The following ZMIZ2 variants were observed in gnomAD, a reference collection of about 807,000 sequenced individuals.
ZMIZ2 encodes the protein zinc finger MIZ domain-containing protein 2.
Under a neutral mutation model 93.9 loss-of-function variants are expected in ZMIZ2, and 26 were observed. That is an observed-to-expected ratio of 0.28 (90% CI 0.20 to 0.38). The LOEUF is 0.38. ZMIZ2 is among the 10% of genes least tolerant of loss of function. The pLI, the probability that ZMIZ2 is intolerant of heterozygous loss-of-function variation, is 1.00. For synonymous variants in ZMIZ2, 485 were observed against 516.4 expected (o/e 0.94, Z 0.82); for missense variants, 1,023 against 1,235.0 (o/e 0.83, Z 2.57).
intron 1 of ZMIZ2, among the ~76,000 whole-genome samples, chr7:44,754,320 C>T (rs190432902): frequency 1.3e-5 from 2 of 152,190 alleles, no homozygotes; most frequent in Non-Finnish European, 2.9e-5. Context: ...GTTTTCTTCA[C>T]CCCTGCTTCC....
chr7:44,764,618 C>T, intron 14 of ZMIZ2, 132 bp downstream of exon 14: 1 of 1,026,014 alleles, frequency 9.7e-7, no homozygotes, highest in South Asian at 1.5e-5. Context: ...TGGGGTTGTG[C>T]AGCTCAGCGC....
At chr7:44,758,678 C>G (rs540268636) in intron 6 of ZMIZ2, among the ~76,000 whole-genome samples, 1 of 150,838 alleles carries the variant, frequency 6.6e-6, no homozygotes, top group East Asian at 2.0e-4. Flanking sequence ...TTTGGGAGGC[C>G]AAGGCGGGTG....
In ZMIZ2 at chr7:44,763,284, C is replaced by T. The variant is rs752013473; in HGVS notation, c.1731C>T (p.Ile577=). The T allele has an allele frequency of 6.2e-7, 1 of 1,614,072 alleles. No homozygotes were observed. The highest frequency in any genetic ancestry group is 1.1e-5 in the South Asian group (1 of 91,074). The change falls in exon 13 of 19, where the codon ATC becomes ATT. Residue 577 remains isoleucine, a synonymous_variant. Transcript: ENST00000309315. The surrounding 1 kb of genome is among the most constrained non-coding windows in gnomAD (Gnocchi z 5.6). ...KIKRNFSSGT[I]PGTPGPNGED... is the part of the protein sequence containing the mutation. ...AGCGGAACTTCAGCAGCGGCACCAT[C>T]CCTGGCACCCCTGGGCCCAACGGAG...
In ZMIZ2 at chr7:44,762,872, G is replaced by A. The variant is rs1791348440; in HGVS notation, c.1597-9G>A. On this transcript the variant is annotated splice_polypyrimidine_tract_variant and intron_variant, in intron 11 of 18. Coordinates refer to ENST00000309315, the MANE Select transcript of ZMIZ2 (RefSeq NM_031449.4). ...GTCCCCCTGATGACATCCTCCCGTT[G>A]TATTGCAGTCCCACCTCTTCGTGCT... 1.3e-6 allele frequency: 2 copies of A among 1,599,484 alleles called. No individual in the cohort carries two copies. The highest frequency in any genetic ancestry group is 1.7e-4 in the Middle Eastern group (1 of 5,988).
At position 44,757,438 on chromosome 7, in the gene ZMIZ2, C is replaced by G. The variant is rs769212250; in HGVS notation, c.429C>G (p.Asp143Glu). Residue 143 changes from aspartate (D) to glutamate (E), a missense_variant, in exon 5 of 19, where the codon GAC (aspartate) becomes GAG (glutamate). Around this residue, in one of 3 missense-constraint regions of ZMIZ2, gnomAD observed 656 missense variants for 777.1 expected, o/e 0.84. Coordinates refer to ENST00000309315, the MANE Select transcript of ZMIZ2 (RefSeq NM_031449.4). ...CACATGCTGCAAGACCCTCCACTGA[C>G]TTCACGCAAGCGGCAGCTGCTGCAG... ...LPSHAARPST[D>E]FTQAAAAAAV... is the part of the protein sequence containing the mutation. 1 of 1,606,574 alleles carries G rather than the reference C, an allele frequency of 6.2e-7. No homozygotes were observed. Among genetic ancestry groups the G allele is most frequent in the Non-Finnish European group, 8.5e-7 (1 of 1,179,924 alleles).
intron 14 of ZMIZ2, 131 bp from the exon 15 acceptor site, chr7:44,764,810 C>T: frequency 2.2e-6 from 2 of 919,758 alleles, no homozygotes; most frequent in Non-Finnish European, 1.7e-6. Flanking sequence ...CACAGAGTTA[C>T]CTTGTTCAGT....
In ZMIZ2 at chr7:44,764,499, T is replaced by G; in HGVS notation, c.1928+13T>G. On this transcript the variant is annotated intron_variant, in intron 14 of 18. Transcript: ENST00000309315. ...GTCCTGTGTGCAAGTGAGTCTCAGA[T>G]GCAGCGTGTGATGGAGGAGGGGCTG... 1.2e-6 allele frequency: 2 copies of G among 1,613,946 alleles called. No homozygotes were observed. The highest frequency in any genetic ancestry group is 2.2e-5 in the South Asian group (2 of 91,050).
At position 44,761,850 on chromosome 7, in the gene ZMIZ2, A is replaced by G; in HGVS notation, c.1541A>G (p.His514Arg). 1 of 1,614,062 alleles carries G rather than the reference A, an allele frequency of 6.2e-7. No homozygotes were observed. The highest frequency in any genetic ancestry group is 8.5e-7 in the Non-Finnish European group (1 of 1,180,034). Residue 514 changes from histidine (H) to arginine (R), a missense_variant, in exon 11 of 19, where the codon CAT becomes CGT. By Grantham distance (29) the His-to-Arg change is conservative. Transcript: ENST00000309315. This position sits in a 1 kb window ranked among gnomAD's most constrained non-coding sequence, Gnocchi z 5.8. The stretch of plus-strand genomic sequence containing the variant: ...TCGCACAAGCCACTCTACCTGAAGC[A>G]TGTGTGCCAGCCAGGCCGCAACACC... ...KTSHKPLYLKHVCQPGRNTIQ... is the reference protein window; with the variant it reads ...KTSHKPLYLKRVCQPGRNTIQ...
At chr7:44,759,101 A>C (rs918041513) in intron 6 of ZMIZ2, among the ~76,000 whole-genome samples, 180 bp from the exon 7 acceptor site, 7 of 150,330 alleles carry the variant, frequency 4.7e-5, no homozygotes, top group African/African-American at 1.7e-4. Flanking sequence ...AAAAAAAAAA[A>C]AAAAAACAGG....
Position 44,761,237 on chromosome 7 carries a change from C to G in ZMIZ2, c.1241-212C>G, listed in dbSNP as rs963729163. Among the ~76,000 whole-genome samples, 1 of 152,234 alleles carries G rather than the reference C, an allele frequency of 6.6e-6. No homozygotes were observed. Among genetic ancestry groups the G allele is most frequent in the South Asian group, 2.1e-4 (1 of 4,836 alleles). On this transcript the variant is annotated intron_variant, in intron 9 of 18. Coordinates refer to ENST00000309315, the MANE Select transcript of ZMIZ2 (RefSeq NM_031449.4). This position sits in a 1 kb window ranked among gnomAD's most constrained non-coding sequence, Gnocchi z 5.8. ...TGAGGCAGGAGGCAAGACAGAACAT[C>G]ACGACCGAATGCCCAGGCCTCAGGA...
In ZMIZ2 at chr7:44,766,148, G is replaced by C; in HGVS notation, c.2243-16G>C. 1.2e-6 allele frequency: 2 copies of C among 1,605,860 alleles called. No homozygotes were observed. Among genetic ancestry groups the C allele is most frequent in the Non-Finnish European group, 1.7e-6 (2 of 1,177,218 alleles). On this transcript the variant is annotated splice_polypyrimidine_tract_variant and intron_variant, in intron 16 of 18. Transcript: ENST00000309315. The surrounding 1 kb of genome is among the most constrained non-coding windows in gnomAD (Gnocchi z 4.4). The stretch of plus-strand genomic sequence containing the variant: ...CTTCCCCAGCCCTCACCCAGGCCCC[G>C]ACTCTCCTCTCACAGGTTCCAGCTT...
chr7:44,756,595 A>G lies in ZMIZ2; in HGVS notation c.165+56A>G, dbSNP rs552291020. 6.7e-5 allele frequency: 105 copies of G among 1,558,656 alleles called. 2 individuals carry two copies. In the South Asian group the frequency reaches 1.1e-3, roughly 16 times the overall value. On this transcript the variant is annotated intron_variant, in intron 3 of 18. Coordinates refer to ENST00000309315, the MANE Select transcript of ZMIZ2 (RefSeq NM_031449.4). ...CAGACAGAGCCTCCCAGCACTTGGC[A>G]GTGCTTAGTGCCTCCTCAGAGCTCT...
At position 44,761,187 on chromosome 7, in the gene ZMIZ2, T is replaced by C. The variant is rs1791137765; in HGVS notation, c.1241-262T>C. Reference sequence around the variant, plus strand: ...CTGGGGACATGTTCCCCTATTATGGTTTAGGGGACACTGGGCTGGACTGCT... The same window carrying C: ...CTGGGGACATGTTCCCCTATTATGGCTTAGGGGACACTGGGCTGGACTGCT... On this transcript the variant is annotated intron_variant, in intron 9 of 18. Coordinates refer to ENST00000309315, the MANE Select transcript of ZMIZ2 (RefSeq NM_031449.4). This position sits in a 1 kb window ranked among gnomAD's most constrained non-coding sequence, Gnocchi z 5.8. 6.6e-6 allele frequency among the ~76,000 whole-genome samples: 1 copy of C among 152,094 alleles called. No individual in the cohort carries two copies. The highest frequency in any genetic ancestry group is 2.1e-4 in the South Asian group (1 of 4,822).
At chr7:44,759,634 G>T (rs1242515398) in intron 7 of ZMIZ2, 174 bp downstream of exon 7, 5 of 244,298 alleles carry the variant, frequency 2.0e-5, no homozygotes, top group Non-Finnish European at 3.7e-5. Flanking sequence ...GGGGTGGGGG[G>T]TGGGGGCATT....
At position 44,765,954 on chromosome 7, in the gene ZMIZ2, C is replaced by A; in HGVS notation, c.2243-210C>A. ...GCTCCCATTCCTATAACCTCCGAGA[C>A]CTTCACTCCTAGGAATGTCCCAAGG... On this transcript the variant is annotated intron_variant, in intron 16 of 18. Transcript: ENST00000309315. The surrounding 1 kb of genome is among the most constrained non-coding windows in gnomAD (Gnocchi z 4.1). The A allele has an allele frequency of 1.5e-6, 2 of 1,368,244 alleles. No homozygotes were observed. Among genetic ancestry groups the A allele is most frequent in the Non-Finnish European group, 1.9e-6 (2 of 1,066,280 alleles). The allele number at this position is 1,368,244 out of a possible 1,614,324, so 84.8% of individuals were successfully genotyped here. A position where few individuals can be genotyped will look rare whatever the true frequency, so the allele number is the denominator to read the frequency against.
Position 44,761,401 on chromosome 7 carries a change from G to A in ZMIZ2, c.1241-48G>A. 1.3e-6 allele frequency: 2 copies of A among 1,597,174 alleles called. No homozygotes were observed. The highest frequency in any genetic ancestry group is 1.1e-5 in the South Asian group (1 of 89,780). On this transcript the variant is annotated intron_variant, in intron 9 of 18. Transcript: ENST00000309315. This position sits in a 1 kb window ranked among gnomAD's most constrained non-coding sequence, Gnocchi z 5.8. The stretch of plus-strand genomic sequence containing the variant: ...CTGCCCTCCTTGAGTGACACAAGAC[G>A]CTCTGGCTGGGGCAACCCAGCTCAC...
rs1357355256 is a variant in ZMIZ2 at position 44,763,011 on chromosome 7, G to A, written c.1702+25G>A. 2.8e-5 allele frequency: 45 copies of A among 1,591,628 alleles called. No homozygotes were observed. Among genetic ancestry groups the A allele is most frequent in the Non-Finnish European group, 3.9e-5 (45 of 1,165,670 alleles). Reference sequence around the variant, plus strand: ...AGTGAGTGGCTCCTGCCCCTCAGCTGCCAGGCAGCCATCCCCATTCTGTGT... The same window carrying A: ...AGTGAGTGGCTCCTGCCCCTCAGCTACCAGGCAGCCATCCCCATTCTGTGT... On this transcript the variant is annotated intron_variant, in intron 12 of 18. Coordinates refer to ENST00000309315, the MANE Select transcript of ZMIZ2 (RefSeq NM_031449.4). The surrounding 1 kb of genome is among the most constrained non-coding windows in gnomAD (Gnocchi z 5.6).
At position 44,766,952 on chromosome 7, in the gene ZMIZ2, C is replaced by G. The variant is rs934056606; in HGVS notation, c.2655+289C>G. On this transcript the variant is annotated intron_variant, in intron 18 of 18. Transcript: ENST00000309315. This position sits in a 1 kb window ranked among gnomAD's most constrained non-coding sequence, Gnocchi z 4.4. The stretch of plus-strand genomic sequence containing the variant: ...CAGCACGGTCCTTAGAGTCAAATTT[C>G]GTCTGTCCATTTGCTCAGTAGCCCT... Among the ~76,000 whole-genome samples the G allele has an allele frequency of 6.6e-6, 1 of 152,144 alleles. No homozygotes were observed.
chr7:44,759,041 C>T (rs1482175026), intron 6 of ZMIZ2, among the ~76,000 whole-genome samples: 1 of 148,124 alleles, frequency 6.8e-6, no homozygotes, highest in African/African-American at 2.5e-5. Context: ...AAGATTGCAC[C>T]ACTGCACTTC....
Sources: allele counts gnomAD v4.1 joint callset (sites outside exome capture counted in the v4.1 genomes callset), GRCh38; gene constraint gnomAD v4.1.1; regional missense constraint gnomAD v4.1.1; non-coding constraint Gnocchi (gnomAD v3.1); transcripts MANE v1.5; gene names NCBI Gene and HGNC (gene_info 2026-07-23, HGNC 2026-07-21).